PTPRN2: variants seen among roughly 807,000 people sequenced by gnomAD.
PTPRN2 encodes the protein receptor-type tyrosine-protein phosphatase N2.
In PTPRN2, 74 loss-of-function variants were observed where a neutral mutation model predicts 118.8. The observed-to-expected ratio is 0.62, with a 90% confidence interval of 0.52 to 0.76. The LOEUF (loss-of-function observed/expected upper bound fraction) is 0.76, where lower values mean the gene tolerates loss of function less well. PTPRN2 is among the 30% of genes least tolerant of loss of function. The pLI is 0.00. For missense variants in PTPRN2, 1,481 were observed against 1,394.4 expected (o/e 1.06, Z -0.99); for synonymous variants, 641 against 608.0 (o/e 1.05, Z -0.80).
At chr7:157,890,896 A>C (rs1796759319) in intron 12 of PTPRN2, among the ~76,000 whole-genome samples, 1 of 152,192 alleles carries the variant, frequency 6.6e-6, no homozygotes, top group Non-Finnish European at 1.5e-5. Flanking sequence ...ATCCACCTGA[A>C]ACATTTAATG....
chr7:158,361,626 G>C (rs918138533), intron 2 of PTPRN2, among the ~76,000 whole-genome samples: 1 of 152,186 alleles, frequency 6.6e-6, no homozygotes, highest in South Asian at 2.1e-4. Flanking sequence ...GAGCCCCGGA[G>C]CCAGCCCTGC....
chr7:158,109,460 A>T (rs1269408389), intron 10 of PTPRN2, among the ~76,000 whole-genome samples: 1 of 150,858 alleles, frequency 6.6e-6, no homozygotes, highest in Non-Finnish European at 1.5e-5. Flanking sequence ...TATGTGAAAG[A>T]GACAGTGAGT....
At chr7:158,277,917 C>A (rs1206282531) in intron 3 of PTPRN2, among the ~76,000 whole-genome samples, 1 of 152,162 alleles carries the variant, frequency 6.6e-6, no homozygotes, top group East Asian at 1.9e-4. Context: ...AGGCTCTCAG[C>A]CGGGCAGGAC....
Position 158,404,834 on chromosome 7 carries a change from C to A in PTPRN2, c.163+84901G>T, listed in dbSNP as rs183074846. On this transcript the variant is annotated intron_variant, in intron 2 of 22. Coordinates refer to ENST00000389418, the MANE Select transcript of PTPRN2 (RefSeq NM_002847.5). ...AGCTCCCCGGCCCCCAGCTCCCCGG[C>A]CCCAGCTCCCCGGCCTCCAGCTCCC... Among the ~76,000 whole-genome samples the A allele has an allele frequency of 8.3e-3, 1,052 of 127,482 alleles. 36 individuals carry two copies. The highest frequency in any genetic ancestry group is 0.013 in the African/African-American group (422 of 32,270). The allele number at this position is 127,482 out of a possible 152,430, so 83.6% of individuals were successfully genotyped here.
At chr7:157,704,769 G>A (rs1798244500) in intron 12 of PTPRN2, among the ~76,000 whole-genome samples, 1 of 152,336 alleles carries the variant, frequency 6.6e-6, no homozygotes, top group East Asian at 1.9e-4. Context: ...CCATTCTATT[G>A]CTCTCGTAAC....
Position 158,026,860 on chromosome 7 carries a change from G to C in PTPRN2, c.1723+54438C>G, listed in dbSNP as rs1807312271. On this transcript the variant is annotated intron_variant, in intron 11 of 22. Transcript: ENST00000389418. ...ACCACACGGCCCTGTCCTCTGCAGG[G>C]CTGCGTGAACACAGGACACACAGCA... Among the ~76,000 whole-genome samples the C allele has an allele frequency of 2.0e-5, 3 of 152,252 alleles. No homozygotes were observed. The South Asian group carries it at 6.2e-4, about 32-fold the overall frequency.
At chr7:158,459,056 C>T (rs557596528) in intron 2 of PTPRN2, among the ~76,000 whole-genome samples, 15 of 152,268 alleles carry the variant, frequency 9.9e-5, no homozygotes, top group African/African-American at 2.2e-4. Context: ...AGGGTGACAC[C>T]GGAGCCTTGG....
rs1353545911 is a variant in PTPRN2, at chr7:157,787,235, C to T, written c.1789-104298G>A. 6.6e-6 allele frequency among the ~76,000 whole-genome samples: 1 copy of T among 152,034 alleles called. No homozygotes were observed. On this transcript the variant is annotated intron_variant, in intron 12 of 22. Coordinates refer to ENST00000389418, the MANE Select transcript of PTPRN2 (RefSeq NM_002847.5). The surrounding 1 kb of genome is among the most constrained non-coding windows in gnomAD (Gnocchi z 5.3). ...AATTCGTGGGAAACCCACTTGGATGCCACTTATGACCCCCGCGTGCCAGTG... is the reference window on the plus strand; with the variant it reads ...AATTCGTGGGAAACCCACTTGGATGTCACTTATGACCCCCGCGTGCCAGTG...
chr7:158,454,765 C>G (rs958413288), intron 2 of PTPRN2, among the ~76,000 whole-genome samples: 1 of 152,190 alleles, frequency 6.6e-6, no homozygotes, highest in African/African-American at 2.4e-5. Flanking sequence ...TCAGTGACAG[C>G]AGAGTGGAGT....
At chr7:157,670,863 G>A (rs570495432) in intron 13 of PTPRN2, among the ~76,000 whole-genome samples, 64 of 152,320 alleles carry the variant, frequency 4.2e-4, no homozygotes, top group African/African-American at 1.5e-3. Context: ...CAAGTCATCC[G>A]CCTTCAGAGC....
intron 1 of PTPRN2, among the ~76,000 whole-genome samples, chr7:158,506,240 A>T (rs1272017134): frequency 6.6e-6 from 1 of 152,212 alleles, no homozygotes; most frequent in Non-Finnish European, 1.5e-5. Flanking sequence ...GGAAAGTGAG[A>T]CACACACAAG....
chr7:158,345,175 A>C (rs73748219), intron 2 of PTPRN2, among the ~76,000 whole-genome samples: 1 of 152,160 alleles, frequency 6.6e-6, no homozygotes, highest in Non-Finnish European at 1.5e-5. Context: ...CTGCTCAACT[A>C]TGATGGCATA....
chr7:158,390,501 C>T (rs1034539192), intron 2 of PTPRN2, among the ~76,000 whole-genome samples: 4 of 152,208 alleles, frequency 2.6e-5, no homozygotes, highest in African/African-American at 7.2e-5. Context: ...GCAGGCACCC[C>T]GACCCCATCC....
chr7:158,463,096 C>T lies in PTPRN2; in HGVS notation c.163+26639G>A, dbSNP rs547245294. ...CCCCAAAGCCCCAGATGGGAGATGC[C>T]GACTTGGTCAGTCTGGTATAGGATC... On this transcript the variant is annotated intron_variant, in intron 2 of 22. Coordinates refer to ENST00000389418, the MANE Select transcript of PTPRN2 (RefSeq NM_002847.5). 6.8e-4 allele frequency among the ~76,000 whole-genome samples: 82 copies of T among 120,378 alleles called. 1 individual carries two copies. In the South Asian group the frequency reaches 0.021, roughly 30 times the overall value. The allele number at this position is 120,378 out of a possible 152,430, so 79.0% of individuals were successfully genotyped here. A position where few individuals can be genotyped will look rare whatever the true frequency, so the allele number is the denominator to read the frequency against.
intron 12 of PTPRN2, among the ~76,000 whole-genome samples, chr7:157,844,169 T>A (rs1291174173): frequency 6.6e-6 from 1 of 152,034 alleles, no homozygotes. Context: ...CTTTTGAACA[T>A]AGGAGTGTGC....
intron 11 of PTPRN2, among the ~76,000 whole-genome samples, chr7:158,037,225 A>G (rs1808143604): frequency 6.6e-6 from 1 of 152,254 alleles, no homozygotes; most frequent in African/African-American, 2.4e-5. Context: ...TTGAATGGCA[A>G]AGGAATATCT....
At chr7:157,853,536 C>T (rs1809450462) in intron 12 of PTPRN2, among the ~76,000 whole-genome samples, 1 of 152,038 alleles carries the variant, frequency 6.6e-6, no homozygotes, top group African/African-American at 2.4e-5. Flanking sequence ...CCAGCACAAG[C>T]CCCGTGACCC....
At chr7:158,268,471 A>G (rs1328457904) in intron 3 of PTPRN2, among the ~76,000 whole-genome samples, 1 of 144,666 alleles carries the variant, frequency 6.9e-6, no homozygotes, top group Non-Finnish European at 1.5e-5. Flanking sequence ...CTGCACACAC[A>G]CAGGGTGGGT....
At chr7:158,267,303 G>A (rs1158296707) in intron 3 of PTPRN2, among the ~76,000 whole-genome samples, 1 of 144,456 alleles carries the variant, frequency 6.9e-6, no homozygotes, top group Non-Finnish European at 1.6e-5. Flanking sequence ...CGGCAGAGCT[G>A]GTTCCCGCGG....
Sources: gnomAD v4.1 joint callset for allele counts (sites outside exome capture counted in the v4.1 genomes callset) on GRCh38, gnomAD v4.1.1 for gene constraint, Gnocchi (gnomAD v3.1) non-coding constraint, MANE v1.5 for transcripts, NCBI Gene and HGNC (gene_info 2026-07-23, HGNC 2026-07-21) for gene names.